PTPN2: variants seen among roughly 807,000 people sequenced by gnomAD.
The protein encoded by PTPN2 is tyrosine-protein phosphatase non-receptor type 2.
PTPN2 carries 19 observed loss-of-function variants against 57.3 expected under a neutral mutation model. That is an observed-to-expected ratio of 0.33 (90% confidence interval 0.23 to 0.49). The LOEUF (loss-of-function observed/expected upper bound fraction) is 0.49, where lower values mean the gene tolerates loss of function less well. Ranked by LOEUF, PTPN2 falls within the 20% of genes least tolerant of loss-of-function variation. PTPN2 has a pLI of 0.99. For missense variants in PTPN2, 358 were observed against 501.1 expected (o/e 0.71, Z 2.73); for synonymous variants, 153 against 164.9 (o/e 0.93, Z 0.55).
chr18:12,849,773 A>G (rs2043332230), intron 2 of PTPN2, among the ~76,000 whole-genome samples: 1 of 151,758 alleles, frequency 6.6e-6, no homozygotes, highest in South Asian at 2.1e-4. Flanking sequence ...TTCTTTGTGG[A>G]TTTTGTTTAT....
At chr18:12,870,312 T>TATACATATATATGTGTATATATAC (rs2044161546) in intron 1 of PTPN2, among the ~76,000 whole-genome samples, 1 of 82,458 alleles carries the variant, frequency 1.2e-5, no homozygotes, top group Non-Finnish European at 2.1e-5. Flanking sequence ...TATATATACA[T>TATACATATATATGTGTATATATAC]ATATATGTGT....
rs917682849 is a variant in PTPN2 at position 12,793,742 on chromosome 18, A to C, written c.*536T>G. 2 of 948,666 alleles carry C rather than the reference A, an allele frequency of 2.1e-6. No individual in the cohort carries two copies. Among genetic ancestry groups the C allele is most frequent in the Non-Finnish European group, 2.5e-6 (2 of 796,076 alleles). The allele number at this position is 948,666 out of a possible 1,614,324, so 58.8% of individuals were successfully genotyped here. On this transcript the variant is annotated 3_prime_UTR_variant, in exon 9 of 9. Transcript: ENST00000309660. The stretch of plus-strand genomic sequence containing the variant: ...GATTTTTCAAATTGAGCTCTTAAAA[A>C]GTACAGTTAACTACAAAAGATTAAA...
Position 12,873,521 on chromosome 18 carries a change from C to T in PTPN2, c.69+10552G>A, listed in dbSNP as rs527792229. ...GCCGGGCTGGCCTCCAGCTCCTAAC[C>T]GCGAGTGATCCGCCAGCCTCGGCCT... On this transcript the variant is annotated intron_variant, in intron 1 of 8. Coordinates refer to ENST00000309660, the MANE Select transcript of PTPN2 (RefSeq NM_002828.4). Among the ~76,000 whole-genome samples the T allele has an allele frequency of 5.0e-3, 767 of 152,338 alleles. 5 individuals carry two copies. Among genetic ancestry groups the T allele is most frequent in the African/African-American group, 0.018 (729 of 41,582 alleles).
At chr18:12,831,860 C>T (rs1443377874) in intron 3 of PTPN2, among the ~76,000 whole-genome samples, 1 of 152,166 alleles carries the variant, frequency 6.6e-6, no homozygotes, top group Non-Finnish European at 1.5e-5. Context: ...CAATTGCTTT[C>T]ACATTTTAAT....
At chr18:12,870,329 A>ACG (rs1568168579) in intron 1 of PTPN2, among the ~76,000 whole-genome samples, 26 of 71,794 alleles carry the variant, frequency 3.6e-4, no homozygotes, top group African/African-American at 1.7e-3. Flanking sequence ...GTGTATATAT[A>ACG]TGTATATATA....
At chr18:12,836,711 T>TA in intron 3 of PTPN2, 80 bp downstream of exon 3, 1 of 866,320 alleles carries the variant, frequency 1.2e-6, no homozygotes, top group Non-Finnish European at 1.8e-6. Flanking sequence ...GAAGTCAAGA[T>TA]ATACTTTTAC....
chr18:12,793,702 A>T lies in PTPN2; in HGVS notation c.*576T>A, dbSNP rs11080603. 0.14 allele frequency: 138,675 copies of T among 975,042 alleles called. 9,614 individuals carry two copies. Among genetic ancestry groups the T allele is most frequent in the African/African-American group, 0.21 (11,706 of 57,010 alleles). The allele number at this position is 975,042 out of a possible 1,614,324, so 60.4% of individuals were successfully genotyped here. A position where few individuals can be genotyped will look rare whatever the true frequency, so the allele number is the denominator to read the frequency against. ...GTACAATTCAATCGACATACAATTT[A>T]TTTTTTTAGTAACAGATTTTTCAAA... On this transcript the variant is annotated 3_prime_UTR_variant, in exon 9 of 9. Coordinates refer to ENST00000309660, the MANE Select transcript of PTPN2 (RefSeq NM_002828.4).
rs1291426078 is a variant in PTPN2, at chr18:12,884,234, A to ATGCGCGC, written c.-94_-93insGCGCGCA. The ATGCGCGC allele has an allele frequency of 7.4e-6, 7 of 949,420 alleles. No homozygotes were observed. The highest frequency in any genetic ancestry group is 8.6e-6 in the Non-Finnish European group (6 of 697,584). 58.8% of individuals were successfully genotyped at this position (949,420 alleles called of 1,614,324 possible). A position where few individuals can be genotyped will look rare whatever the true frequency, so the allele number is the denominator to read the frequency against. ...GGGGAGAGCGCTGGCGCTGCGGCGC[A>ATGCGCGC]TGCGCGCTGCGCGCCGCGCCCCGCC... On this transcript the variant is annotated 5_prime_UTR_variant, in exon 1 of 9. It adds an upstream start codon to the 5' untranslated region. Transcript: ENST00000309660.
intron 1 of PTPN2, chr18:12,863,257 G>A (rs2043875859): frequency 6.6e-6 from 1 of 152,188 alleles, no homozygotes; most frequent in Non-Finnish European, 1.5e-5. Context: ...AGGAGTTTGA[G>A]ACCAGCCTGG....
chr18:12,813,034 A>G (rs1262064600), intron 7 of PTPN2, among the ~76,000 whole-genome samples: 2 of 145,656 alleles, frequency 1.4e-5, no homozygotes, highest in Non-Finnish European at 3.0e-5. Flanking sequence ...AAAAAAAAAA[A>G]GCAGTGGTAG....
chr18:12,851,284 C>T (rs1184594650), intron 2 of PTPN2, among the ~76,000 whole-genome samples: 1 of 9,524 alleles, frequency 1.0e-4, no homozygotes, highest in African/African-American at 1.7e-4. Context: ...TCGAGACCAT[C>T]CTGGCTAACA....
At chr18:12,816,831 G>A (rs1168395672) in intron 6 of PTPN2, among the ~76,000 whole-genome samples, 1 of 152,122 alleles carries the variant, frequency 6.6e-6, no homozygotes, top group African/African-American at 2.4e-5. Flanking sequence ...GTATCTGTCT[G>A]AGGAGGAAGG....
intron 2 of PTPN2, among the ~76,000 whole-genome samples, chr18:12,837,470 A>T (rs2042906106): frequency 6.6e-6 from 1 of 152,220 alleles, no homozygotes; most frequent in Non-Finnish European, 1.5e-5. Context: ...GACTCTGTTA[A>T]CAGTTTAGAG....
downstream of PTPN2, among the ~76,000 whole-genome samples, chr18:12,789,159 C>T (rs1050210492): frequency 5.3e-5 from 8 of 152,120 alleles, no homozygotes; most frequent in African/African-American, 1.9e-4. Context: ...GGAACAAAGA[C>T]AGCTGTATTT....
chr18:12,870,315 A>G (rs190389640), intron 1 of PTPN2, among the ~76,000 whole-genome samples: 142 of 65,628 alleles, frequency 2.2e-3, no homozygotes, highest in East Asian at 4.7e-3. Context: ...ATATACATAT[A>G]TATGTGTATA....
At chr18:12,880,968 T>C (rs755028243) in intron 1 of PTPN2, among the ~76,000 whole-genome samples, 1 of 152,252 alleles carries the variant, frequency 6.6e-6, no homozygotes, top group African/African-American at 2.4e-5. Flanking sequence ...ACATAACGTA[T>C]ACCCCTTTAC....
chr18:12,812,329 G>A (rs1022126236), intron 7 of PTPN2, among the ~76,000 whole-genome samples: 1 of 152,150 alleles, frequency 6.6e-6, no homozygotes, highest in Non-Finnish European at 1.5e-5. Context: ...GGCTGGGTGC[G>A]GTGGCTCACG....
chr18:12,825,209 T>C (rs1210141411), intron 5 of PTPN2, among the ~76,000 whole-genome samples: 1 of 152,188 alleles, frequency 6.6e-6, no homozygotes, highest in African/African-American at 2.4e-5. Flanking sequence ...GTTACATATA[T>C]ATATAAAACA....
At chr18:12,794,902 T>C (rs1381660805) in intron 8 of PTPN2, among the ~76,000 whole-genome samples, 3 of 152,124 alleles carry the variant, frequency 2.0e-5, no homozygotes, top group Admixed American at 6.6e-5. Context: ...AGATTACAGG[T>C]GTGAGCCACG....
Sources: allele counts gnomAD v4.1 joint callset (sites outside exome capture counted in the v4.1 genomes callset), GRCh38; gene constraint gnomAD v4.1.1; transcripts MANE v1.5; gene names NCBI Gene and HGNC (gene_info 2026-07-23, HGNC 2026-07-21).